RHPN2: variants seen among roughly 807,000 people sequenced by gnomAD.
RHPN2 encodes rhophilin-2.
A neutral mutation model predicts 79.0 loss-of-function variants in RHPN2; 40 were observed. The ratio of observed to expected loss-of-function variants is 0.51; its 90% CI spans 0.39 to 0.66. The LOEUF is 0.66. Ranked by LOEUF, RHPN2 falls within the 30% of genes least tolerant of loss-of-function variation. The pLI is 0.00. For missense variants in RHPN2, 686 were observed against 883.5 expected (o/e 0.78, Z 2.83); for synonymous variants, 285 against 363.5 (o/e 0.78, Z 2.46).
Position 33,008,006 on chromosome 19 carries a change from A to C in RHPN2, c.760+8T>G. ...GGCTCCGTCTGGTCAGCCCTGGAGG[A>C]GACATACCTGCGGCTCTCTGAAAGG... On this transcript the variant is annotated splice_region_variant and intron_variant, in intron 7 of 14. Coordinates refer to ENST00000254260, the MANE Select transcript of RHPN2 (RefSeq NM_033103.5). The C allele has an allele frequency of 6.2e-7, 1 of 1,611,888 alleles. No individual in the cohort carries two copies. The highest frequency in any genetic ancestry group is 8.5e-7 in the Non-Finnish European group (1 of 1,179,868).
chr19:33,031,697 T>G (rs1413299463), intron 2 of RHPN2, among the ~76,000 whole-genome samples: 2 of 151,902 alleles, frequency 1.3e-5, no homozygotes, highest in Non-Finnish European at 2.9e-5. Context: ...GTAGGTTTTT[T>G]GTGGGTGTGT....
intron 12 of RHPN2, chr19:32,992,253 G>C: frequency 2.6e-6 from 1 of 381,480 alleles, no homozygotes; most frequent in Non-Finnish European, 5.0e-6. Context: ...GCCCAGGCTA[G>C]AGTGTGGTGG....
At chr19:33,060,099 C>T (rs776820782) in intron 1 of RHPN2, among the ~76,000 whole-genome samples, 2 of 152,220 alleles carry the variant, frequency 1.3e-5, no homozygotes, top group South Asian at 2.1e-4. Flanking sequence ...CGCGTTCACC[C>T]GCATTCATGG....
At chr19:33,031,243 C>CTATTCTATTCTATTCTATTCTATTA (rs1390111373) in intron 2 of RHPN2, among the ~76,000 whole-genome samples, 1 of 151,426 alleles carries the variant, frequency 6.6e-6, no homozygotes, top group Non-Finnish European at 1.5e-5. Context: ...CTATTCTATT[C>CTATTCTATTCTATTCTATTCTATTA]TATTCTATTC....
At chr19:33,028,957 G>A (rs185529527) in intron 2 of RHPN2, among the ~76,000 whole-genome samples, 14 of 151,890 alleles carry the variant, frequency 9.2e-5, no homozygotes, top group African/African-American at 2.9e-4. Flanking sequence ...TGGTCAACAC[G>A]GTGAAACCCC....
intron 2 of RHPN2, among the ~76,000 whole-genome samples, chr19:33,042,584 C>T (rs1430885410): frequency 2.6e-5 from 4 of 152,170 alleles, no homozygotes; most frequent in Admixed American, 2.6e-4. Flanking sequence ...AGAAGAGATT[C>T]CCAGACAAAC....
intron 2 of RHPN2, among the ~76,000 whole-genome samples, chr19:33,033,677 T>C (rs1257332027): frequency 1.3e-5 from 2 of 152,014 alleles, no homozygotes; most frequent in Admixed American, 1.3e-4. Context: ...GAGACCAGCC[T>C]GACCAACGTG....
At chr19:33,032,703 A>T (rs896887463) in intron 2 of RHPN2, among the ~76,000 whole-genome samples, 2 of 152,140 alleles carry the variant, frequency 1.3e-5, no homozygotes, top group African/African-American at 4.8e-5. Flanking sequence ...AAAACGACTG[A>T]TCCTGTAGCT....
chr19:33,060,521 C>T (rs963588115), intron 1 of RHPN2, among the ~76,000 whole-genome samples: 1 of 151,812 alleles, frequency 6.6e-6, no homozygotes, highest in East Asian at 1.9e-4. Context: ...TTTACACGGC[C>T]GTTTCTTTGT....
intron 3 of RHPN2, among the ~76,000 whole-genome samples, chr19:33,023,724 G>A (rs1971943342): frequency 6.7e-6 from 1 of 150,032 alleles, no homozygotes; most frequent in African/African-American, 2.5e-5. Flanking sequence ...GGCAGAGCTT[G>A]CAGTGAGCCG....
chr19:33,058,502 C>A (rs1045155080), intron 1 of RHPN2, among the ~76,000 whole-genome samples: 5 of 152,202 alleles, frequency 3.3e-5, no homozygotes, highest in Non-Finnish European at 7.3e-5. Flanking sequence ...CCAATAGTCA[C>A]CAGGCGCAGT....
intron 1 of RHPN2, among the ~76,000 whole-genome samples, chr19:33,061,196 C>G (rs1474955987): frequency 6.6e-6 from 1 of 151,352 alleles, no homozygotes; most frequent in African/African-American, 2.4e-5. Context: ...GGCTCTTTCT[C>G]TCCTTTCACC....
intron 2 of RHPN2, among the ~76,000 whole-genome samples, chr19:33,039,502 A>G (rs1250549078): frequency 6.6e-6 from 1 of 152,078 alleles, no homozygotes; most frequent in Non-Finnish European, 1.5e-5. Context: ...GGCTCTCAGG[A>G]TGTTACTATC....
In RHPN2 at chr19:32,995,920, C is replaced by G. The variant is rs1185960420; in HGVS notation, c.1420+106G>C. On this transcript the variant is annotated intron_variant, in intron 11 of 14. Transcript: ENST00000254260. The stretch of plus-strand genomic sequence containing the variant: ...TCAGTCCCTACCCTGTGCAGCTCTC[C>G]TTGTGCCAAGCACACAGCGAGGGCT... The G allele has an allele frequency of 4.4e-6, 5 of 1,125,064 alleles. No homozygotes were observed. In the African/African-American group the frequency reaches 7.8e-5, roughly 18 times the overall value. The allele number at this position is 1,125,064 out of a possible 1,614,324, so 69.7% of individuals were successfully genotyped here.
chr19:32,990,555 C>G lies in RHPN2; in HGVS notation c.1759G>C (p.Glu587Gln). ...TCCAGGAGGCTCACGACTTTCATCT[C>G]GATCTCGTCCTCGCCAAAGCTCTTC... ...LLKSFGEDEIEMKVVSLLDST... is the reference protein window; with the variant it reads ...LLKSFGEDEIQMKVVSLLDST... The change falls in exon 14 of 15, where the codon GAG becomes CAG. Residue 587 changes from glutamate (E) to glutamine (Q), a missense_variant. Glu to Gln is a conservative substitution (Grantham distance 29). Transcript: ENST00000254260. 6.2e-7 allele frequency: 1 copy of G among 1,613,880 alleles called. No homozygotes were observed. The highest frequency in any genetic ancestry group is 8.5e-7 in the Non-Finnish European group (1 of 1,179,862).
intron 6 of RHPN2, 21 bp from the exon 7 acceptor site, chr19:33,008,201 C>A: frequency 6.2e-7 from 1 of 1,612,798 alleles, no homozygotes; most frequent in South Asian, 1.1e-5. Flanking sequence ...GAAATGCATT[C>A]CGAGAATACA....
intron 2 of RHPN2, among the ~76,000 whole-genome samples, chr19:33,043,344 C>T (rs112066987): frequency 1.3e-4 from 19 of 151,686 alleles, no homozygotes; most frequent in African/African-American, 2.4e-5. Flanking sequence ...TGAGGCCAGG[C>T]GTTCAAGACC....
intron 8 of RHPN2, among the ~76,000 whole-genome samples, 169 bp from the exon 9 acceptor site, chr19:33,002,572 A>C (rs1971758465): frequency 6.6e-6 from 1 of 152,182 alleles, no homozygotes; most frequent in Non-Finnish European, 1.5e-5. Flanking sequence ...TGTCACAGTT[A>C]ACAGGGGGAT....
chr19:32,981,458 A>G (rs1971574129), intron 14 of RHPN2, among the ~76,000 whole-genome samples: 1 of 128,386 alleles, frequency 7.8e-6, no homozygotes, highest in African/African-American at 2.9e-5. Flanking sequence ...AAGGAAGGGA[A>G]GAGGGGAAGG....
Sources: gnomAD v4.1 joint callset for allele counts (sites outside exome capture counted in the v4.1 genomes callset) on GRCh38, gnomAD v4.1.1 for gene constraint, MANE v1.5 for transcripts, NCBI Gene and HGNC (gene_info 2026-07-23, HGNC 2026-07-21) for gene names.